The following KATNB1 variants were observed in gnomAD, a reference collection of about 807,000 sequenced individuals.
KATNB1 encodes the protein katanin p80 WD40 repeat-containing subunit B1.
In KATNB1, 38 loss-of-function variants were observed where a neutral mutation model predicts 82.3. The observed-to-expected ratio is 0.46, with a 90% CI of 0.36 to 0.61. The LOEUF (loss-of-function observed/expected upper bound fraction) is 0.61, where lower values mean the gene tolerates loss of function less well. KATNB1 is among the 20% of genes least tolerant of loss of function. The probability of loss-of-function intolerance (pLI) is 0.00; values close to 1 mark genes in which losing one functional copy is unlikely to be tolerated. For synonymous variants in KATNB1, 361 were observed against 368.7 expected (o/e 0.98, Z 0.24); for missense variants, 749 against 915.7 (o/e 0.82, Z 2.35).
rs782643443 is a variant in KATNB1, at chr16:57,744,522, G to A, written c.289+11G>A. The A allele has an allele frequency of 1.7e-5, 28 of 1,600,034 alleles. No homozygotes were observed. Among genetic ancestry groups the A allele is most frequent in the Non-Finnish European group, 2.0e-5 (23 of 1,167,606 alleles). On this transcript the variant is annotated intron_variant, in intron 4 of 19. Coordinates refer to ENST00000379661, the MANE Select transcript of KATNB1 (RefSeq NM_005886.3). ...TGGAAGCTGCCAAAAGTAGGCCTCC[G>A]AGCTTGCCTCCTGTGCACGCACACC...
In KATNB1 at chr16:57,751,890, G is replaced by T. The variant is rs1555583317; in HGVS notation, c.517-50G>T. 1 of 1,482,044 alleles carries T rather than the reference G, an allele frequency of 6.7e-7. No individual in the cohort carries two copies. Among genetic ancestry groups the T allele is most frequent in the South Asian group, 1.1e-5 (1 of 87,380 alleles). 91.8% of individuals were successfully genotyped at this position (1,482,044 alleles called of 1,614,324 possible). Reference sequence around the variant, plus strand: ...CTTGGCCTGGATTAGAGGGAGGGTGGGCAGCCAAGATGCCTGGTCACCCTG... The same window carrying T: ...CTTGGCCTGGATTAGAGGGAGGGTGTGCAGCCAAGATGCCTGGTCACCCTG... On this transcript the variant is annotated intron_variant, in intron 7 of 19. Transcript: ENST00000379661. The surrounding 1 kb of genome is among the most constrained non-coding windows in gnomAD (Gnocchi z 6.3).
intron 3 of KATNB1, 133 bp from the exon 4 acceptor site, chr16:57,744,261 T>C (rs2049165717): frequency 1.4e-6 from 1 of 726,716 alleles, no homozygotes; most frequent in Non-Finnish European, 2.4e-6. Flanking sequence ...AGGGCTAGGC[T>C]GTGGCCCCCA....
In KATNB1 at chr16:57,756,889, C is replaced by T. The variant is rs1200639473; in HGVS notation, c.1911C>T (p.Ser637=). 9.0e-6 allele frequency: 14 copies of T among 1,554,154 alleles called. No homozygotes were observed. The highest frequency in any genetic ancestry group is 5.9e-5 in the South Asian group (5 of 84,360). The change falls in exon 20 of 20, where the codon AGC becomes AGT. Residue 637 remains serine, a synonymous_variant. Coordinates refer to ENST00000379661, the MANE Select transcript of KATNB1 (RefSeq NM_005886.3). The stretch of plus-strand genomic sequence containing the variant: ...TGGTCAAGAGCAAGTCAGGCCTGAG[C>T]GGCCGCCATGGCAGTACCTTCCGCG... ...SGLVKSKSGL[S]GRHGSTFREL...
At chr16:57,740,626 G>C (rs1219675797) in intron 2 of KATNB1, among the ~76,000 whole-genome samples, 1 of 152,200 alleles carries the variant, frequency 6.6e-6, no homozygotes, top group Non-Finnish European at 1.5e-5. Context: ...CTTTCCAGGA[G>C]GAGCTCATGC....
At position 57,754,239 on chromosome 16, in the gene KATNB1, T is replaced by G. The variant is rs2967124; in HGVS notation, c.1228+244T>G. 0.9 allele frequency among the ~76,000 whole-genome samples: 136,879 copies of G among 152,192 alleles called. 61,822 individuals are homozygous for G. The highest frequency in any genetic ancestry group is 0.94 in the African/African-American group (39,204 of 41,548). ...GGGACAAACATGGACACCACCACAC[T>G]GGGGGGCCTGCCAGGGGCACTCGGG... On this transcript the variant is annotated intron_variant, in intron 13 of 19. Transcript: ENST00000379661.
chr16:57,755,951 G>A (rs1597831969), intron 17 of KATNB1, 34 bp downstream of exon 17: 2 of 1,610,036 alleles, frequency 1.2e-6, no homozygotes, highest in South Asian at 1.1e-5. Context: ...GGGCGGAGGG[G>A]CAGGGCTGGG....
rs919355317 is a variant in KATNB1, at chr16:57,751,383, G to A, written c.432+81G>A. 2.2e-5 allele frequency: 30 copies of A among 1,387,576 alleles called. No individual in the cohort carries two copies. Among genetic ancestry groups the A allele is most frequent in the Non-Finnish European group, 3.0e-5 (29 of 974,406 alleles). The allele number at this position is 1,387,576 out of a possible 1,614,324, so 86.0% of individuals were successfully genotyped here. A position where few individuals can be genotyped will look rare whatever the true frequency, so the allele number is the denominator to read the frequency against. On this transcript the variant is annotated intron_variant, in intron 6 of 19. Transcript: ENST00000379661. This position sits in a 1 kb window ranked among gnomAD's most constrained non-coding sequence, Gnocchi z 6.3. ...TGTGGTGCCCAGACCCCAGCAGGGG[G>A]TGGAGGGGACGGCTGTCCCACATGG...
At chr16:57,741,280 TTTTC>T (rs1555579341) in intron 2 of KATNB1, among the ~76,000 whole-genome samples, 1 of 152,236 alleles carries the variant, frequency 6.6e-6, no homozygotes, top group Non-Finnish European at 1.5e-5. Context: ...CAATAATTGT[TTTTC>T]TTTTTGTATC....
Position 57,756,807 on chromosome 16 carries a change from T to C in KATNB1, c.1836-7T>C. On this transcript the variant is annotated splice_polypyrimidine_tract_variant and splice_region_variant and intron_variant, in intron 19 of 19. Transcript: ENST00000379661. The stretch of plus-strand genomic sequence containing the variant: ...AGCTAGCCCCTCAGGCACTGCCCTC[T>C]CTACAGGCTGCATAAGTGCCGGCTC... 1.3e-6 allele frequency: 2 copies of C among 1,552,850 alleles called. No individual in the cohort carries two copies. Among genetic ancestry groups the C allele is most frequent in the South Asian group, 1.2e-5 (1 of 81,974 alleles).
intron 4 of KATNB1, among the ~76,000 whole-genome samples, chr16:57,748,410 G>A (rs2049198498): frequency 6.6e-6 from 1 of 151,444 alleles, no homozygotes; most frequent in African/African-American, 2.4e-5. Context: ...AAGATCACTT[G>A]AGGCCATGAG....
rs782001354 is a variant in KATNB1 at position 57,753,179 on chromosome 16, C to A, written c.958C>A (p.Arg320=). 120 of 1,609,452 alleles carry A rather than the reference C, an allele frequency of 7.5e-5. No homozygotes were observed. Among genetic ancestry groups the A allele is most frequent in the Non-Finnish European group, 9.3e-5 (110 of 1,179,606 alleles). The change falls in exon 11 of 20, where the codon CGG becomes AGG. Residue 320 remains arginine (R), a synonymous_variant. Transcript: ENST00000379661. ...GGCCCGGGACCCTGTGCAGGACCAC[C>A]GGCCCCTGGCACAGCCACTGCCCAA... ...TVARDPVQDH[R]PLAQPLPNPS...
At chr16:57,740,624 G>C (rs2049134921) in intron 2 of KATNB1, among the ~76,000 whole-genome samples, 1 of 152,188 alleles carries the variant, frequency 6.6e-6, no homozygotes, top group South Asian at 2.1e-4. Flanking sequence ...TTCTTTCCAG[G>C]AGGAGCTCAT....
rs375844297 is a variant in KATNB1, at chr16:57,756,275, TCTC to T, written c.1719-75_1719-73del. On this transcript the variant is annotated intron_variant, in intron 18 of 19. Coordinates refer to ENST00000379661, the MANE Select transcript of KATNB1 (RefSeq NM_005886.3). ...GTGTGTCTGTGTCTGTTTCTGCCCC[TCTC>T]CTCCTTTGTTCCTTGCTGTTTCTCT... 3.4e-4 allele frequency: 454 copies of T among 1,321,968 alleles called. 9 individuals carry two copies. The South Asian group carries it at 5.2e-3, about 15-fold the overall frequency. The allele number at this position is 1,321,968 out of a possible 1,614,324, so 81.9% of individuals were successfully genotyped here.
In KATNB1 at chr16:57,751,160, A is replaced by C; in HGVS notation, c.391-101A>C. 8.7e-7 allele frequency: 1 copy of C among 1,151,172 alleles called. No homozygotes were observed. Among genetic ancestry groups the C allele is most frequent in the Non-Finnish European group, 1.3e-6 (1 of 763,922 alleles). The allele number at this position is 1,151,172 out of a possible 1,614,324, so 71.3% of individuals were successfully genotyped here. A position where few individuals can be genotyped will look rare whatever the true frequency, so the allele number is the denominator to read the frequency against. On this transcript the variant is annotated intron_variant, in intron 5 of 19. Transcript: ENST00000379661. The surrounding 1 kb of genome is among the most constrained non-coding windows in gnomAD (Gnocchi z 6.3). ...GTCTCCGTGGGGAGTAACGACCTAG[A>C]GAAGGCTGGGCCCCACCGTCTGCTC...
intron 12 of KATNB1, 72 bp from the exon 13 acceptor site, chr16:57,753,873 T>G: frequency 6.8e-7 from 1 of 1,465,100 alleles, no homozygotes; most frequent in Non-Finnish European, 9.5e-7. Context: ...TCCCCCGCAC[T>G]CTGGACAGGG....
rs1477556443 is a variant in KATNB1 at position 57,737,021 on chromosome 16, C to T, written c.-223C>T. 2 of 701,072 alleles carry T rather than the reference C, an allele frequency of 2.9e-6. No homozygotes were observed. Among genetic ancestry groups the T allele is most frequent in the South Asian group, 1.5e-5 (1 of 66,768 alleles). 43.4% of individuals were successfully genotyped at this position (701,072 alleles called of 1,614,324 possible). A position where few individuals can be genotyped will look rare whatever the true frequency, so the allele number is the denominator to read the frequency against. The stretch of plus-strand genomic sequence containing the variant: ...TGGCTCGAGCCTAACATTCCATGAT[C>T]CAGGATCGTGACAGATGTGCACAGG... On this transcript the variant is annotated 5_prime_UTR_variant, in exon 2 of 20. Transcript: ENST00000379661.
Position 57,750,929 on chromosome 16 carries a change from T to C in KATNB1, c.390+2T>C. ...GGTTCCCAGGACACAAACATCAAGG[T>C]GAGAGGCCGGTCCGTGCCCCGTGTC... is the stretch of plus-strand genomic sequence containing the variant. On this transcript the variant is annotated splice_donor_variant, in intron 5 of 19. Transcript: ENST00000379661. LOFTEE classifies it high-confidence loss of function. 1 of 1,612,296 alleles carries C rather than the reference T, an allele frequency of 6.2e-7. No individual in the cohort carries two copies. Among genetic ancestry groups the C allele is most frequent in the Non-Finnish European group, 8.5e-7 (1 of 1,178,492 alleles).
intron 4 of KATNB1, 118 bp from the exon 5 acceptor site, chr16:57,750,709 G>A: frequency 1.3e-6 from 1 of 757,520 alleles, no homozygotes; most frequent in Non-Finnish European, 2.4e-6. Context: ...GTGTGTTATT[G>A]TTCTATTTTT....
intron 4 of KATNB1, among the ~76,000 whole-genome samples, chr16:57,745,517 C>T (rs1017786590): frequency 1.3e-4 from 20 of 150,670 alleles, no homozygotes; most frequent in African/African-American, 4.7e-4. Context: ...GAGCCAAGAT[C>T]GCACCATTGC....
Sources: gnomAD v4.1 joint callset for allele counts (sites outside exome capture counted in the v4.1 genomes callset) on GRCh38, gnomAD v4.1.1 for gene constraint, Gnocchi (gnomAD v3.1) non-coding constraint, MANE v1.5 for transcripts, NCBI Gene and HGNC (gene_info 2026-07-23, HGNC 2026-07-21) for gene names.